TOP2B: variants seen among roughly 807,000 people sequenced by gnomAD.
TOP2B encodes DNA topoisomerase 2-beta.
A neutral mutation model predicts 193.5 loss-of-function variants in TOP2B; 51 were observed. The ratio of observed to expected loss-of-function variants is 0.26; its 90% CI spans 0.21 to 0.33. The LOEUF (loss-of-function observed/expected upper bound fraction) is 0.33. Ranked by LOEUF, TOP2B falls within the 10% of genes least tolerant of loss-of-function variation. TOP2B has a pLI of 1.00. For missense variants in TOP2B, 1,378 were observed against 1,909.3 expected (o/e 0.72, Z 5.19); for synonymous variants, 634 against 635.7 (o/e 1.00, Z 0.04).
At chr3:25,615,410 T>TTA in intron 26 of TOP2B, 21 bp downstream of exon 26, 1 of 1,538,646 alleles carries the variant, frequency 6.5e-7, no homozygotes, top group Middle Eastern at 2.1e-4. Flanking sequence ...TTCAAACTAT[T>TTA]TAACCCACAA....
At position 25,627,104 on chromosome 3, in the gene TOP2B, T is replaced by A. The variant is rs545962942; in HGVS notation, c.2016+83A>T. On this transcript the variant is annotated intron_variant, in intron 16 of 35. Transcript: ENST00000264331. ...AGCTTGAGCATTCAAAAGAGACTTATCATAGGGAACCAGGACTGGGAGGAA... is the reference window on the plus strand; with the variant it reads ...AGCTTGAGCATTCAAAAGAGACTTAACATAGGGAACCAGGACTGGGAGGAA... The A allele has an allele frequency of 5.6e-4, 552 of 985,370 alleles. 2 individuals are homozygous for A. The Middle Eastern group carries it at 0.011, about 19-fold the overall frequency. 61.0% of individuals were successfully genotyped at this position (985,370 alleles called of 1,614,324 possible).
At chr3:25,632,884 A>T in intron 8 of TOP2B, 90 bp from the exon 9 acceptor site, 1 of 1,055,392 alleles carries the variant, frequency 9.5e-7, no homozygotes, top group Non-Finnish European at 1.4e-6. Context: ...ATTTTCTAAA[A>T]GAGTAATAGA....
At chr3:25,599,603 G>C in intron 34 of TOP2B, 74 bp from the exon 35 acceptor site, 1 of 1,397,764 alleles carries the variant, frequency 7.2e-7, no homozygotes, top group Middle Eastern at 1.8e-4. Context: ...CAACATTGTA[G>C]TTTATTTCTT....
intron 4 of TOP2B, among the ~76,000 whole-genome samples, chr3:25,640,752 CTTTTTTTTT>C (rs372465937): frequency 9.3e-6 from 1 of 106,992 alleles, no homozygotes; most frequent in Non-Finnish European, 1.9e-5. Context: ...TCTTCGTTGT[CTTTTTTTTT>C]TTTTTTTTTT....
At chr3:25,634,453 T>C (rs726999) in intron 7 of TOP2B, among the ~76,000 whole-genome samples, 49,979 of 151,730 alleles carry the variant, frequency 0.33, 8,855 homozygotes, top group African/African-American at 0.46. Flanking sequence ...TGGAGAGACA[T>C]AAGTGTCTGT....
chr3:25,629,906 T>C, intron 13 of TOP2B, 123 bp downstream of exon 13: 1 of 1,069,684 alleles, frequency 9.3e-7, no homozygotes. Flanking sequence ...TTTTTCATTT[T>C]TTCCTCCTGA....
chr3:25,629,815 T>C (rs1702908127), intron 13 of TOP2B, among the ~76,000 whole-genome samples: 1 of 152,180 alleles, frequency 6.6e-6, no homozygotes, highest in Non-Finnish European at 1.5e-5. Flanking sequence ...TACCACACTG[T>C]ATTATATTCT....
intron 15 of TOP2B, among the ~76,000 whole-genome samples, chr3:25,628,570 A>AT (rs1702870765): frequency 6.6e-6 from 1 of 152,216 alleles, no homozygotes; most frequent in Non-Finnish European, 1.5e-5. Flanking sequence ...TATAGGTGAA[A>AT]TACTAGACTA....
intron 2 of TOP2B, among the ~76,000 whole-genome samples, chr3:25,644,153 C>T (rs1703346649): frequency 6.7e-6 from 1 of 149,478 alleles, no homozygotes; most frequent in African/African-American, 2.5e-5. Context: ...ACGAACAAAG[C>T]AAGACTTTGG....
At chr3:25,632,261 T>C (rs377169757) in intron 10 of TOP2B, among the ~76,000 whole-genome samples, 185 bp downstream of exon 10, 11 of 152,002 alleles carry the variant, frequency 7.2e-5, no homozygotes, top group Admixed American at 3.9e-4. Context: ...GCAAAACAAT[T>C]GTTTTAGGAA....
chr3:25,598,180 AC>A lies in TOP2B; in HGVS notation c.*126del. 1 of 1,011,262 alleles carries A rather than the reference AC, an allele frequency of 9.9e-7. No homozygotes were observed. The highest frequency in any genetic ancestry group is 1.8e-5 in the South Asian group (1 of 56,086). The allele number at this position is 1,011,262 out of a possible 1,614,324, so 62.6% of individuals were successfully genotyped here. On this transcript the variant is annotated 3_prime_UTR_variant, in exon 36 of 36. Transcript: ENST00000264331. Reference sequence around the variant, plus strand: ...AGAACAAAATGTTAAAAGGCCTACCACAATAATAAAAAACCGTCAATTACAT... The same window carrying A: ...AGAACAAAATGTTAAAAGGCCTACCAAATAATAAAAAACCGTCAATTACAT...
In TOP2B at chr3:25,625,965, G is replaced by A. The variant is rs147704505; in HGVS notation, c.2224+595C>T. Among the ~76,000 whole-genome samples the A allele has an allele frequency of 4.8e-3, 728 of 152,168 alleles. 11 individuals carry two copies. Among genetic ancestry groups the A allele is most frequent in the Non-Finnish European group, 1.6e-3 (110 of 68,018 alleles). On this transcript the variant is annotated intron_variant, in intron 18 of 35. Transcript: ENST00000264331. ...TAGGAAGGCTTCATAGAAGAAAGGC[G>A]ATTTGTGGCTAGAACTTGAGGGATA...
intron 28 of TOP2B, among the ~76,000 whole-genome samples, chr3:25,611,779 G>A (rs1174213717): frequency 6.6e-6 from 1 of 151,920 alleles, no homozygotes; most frequent in African/African-American, 2.4e-5. Context: ...AGTAAAAGAT[G>A]ACAGAGTACT....
intron 35 of TOP2B, 50 bp from the exon 36 acceptor site, chr3:25,598,527 A>G: frequency 7.0e-7 from 1 of 1,418,500 alleles, no homozygotes; most frequent in Middle Eastern, 1.8e-4. Flanking sequence ...AGTAAAGACT[A>G]GTATTAAGAA....
chr3:25,612,107 A>C (rs1009365760), intron 28 of TOP2B, among the ~76,000 whole-genome samples: 19 of 151,662 alleles, frequency 1.3e-4, no homozygotes, highest in Admixed American at 2.6e-4. Flanking sequence ...ACGCCCAGCT[A>C]ATTTTTTGTA....
At position 25,606,643 on chromosome 3, in the gene TOP2B, A is replaced by T. The variant is rs563912646; in HGVS notation, c.4299-521T>A. Among the ~76,000 whole-genome samples the T allele has an allele frequency of 2.6e-5, 4 of 152,246 alleles. 1 individual carries two copies. In the East Asian group the frequency reaches 5.8e-4, roughly 22 times the overall value. ...TTGTAATAGGTGAGAAAATACTTTT[A>T]AAAAAACATCTAAAATAGTTCACAA... On this transcript the variant is annotated intron_variant, in intron 31 of 35. Coordinates refer to ENST00000264331, the MANE Select transcript of TOP2B (RefSeq NM_001330700.2).
chr3:25,640,026 C>A (rs939776357), intron 4 of TOP2B, among the ~76,000 whole-genome samples: 2 of 151,600 alleles, frequency 1.3e-5, no homozygotes, highest in African/African-American at 4.8e-5. Context: ...GCAGAGAAAA[C>A]TGGATCAACT....
Position 25,655,861 on chromosome 3 carries a change from G to A in TOP2B, c.69+8368C>T, listed in dbSNP as rs570917771. ...CATAGAAACAGAAAGTAGAAAGGTG[G>A]TTAACCAAGGGCTGGGGGGAGAGGG... On this transcript the variant is annotated intron_variant, in intron 1 of 35. Coordinates refer to ENST00000264331, the MANE Select transcript of TOP2B (RefSeq NM_001330700.2). Among the ~76,000 whole-genome samples the A allele has an allele frequency of 2.0e-5, 3 of 152,276 alleles. No homozygotes were observed. In the South Asian group the frequency reaches 6.2e-4, roughly 32 times the overall value.
chr3:25,640,884 G>C (rs1703241272), intron 4 of TOP2B, among the ~76,000 whole-genome samples: 1 of 151,252 alleles, frequency 6.6e-6, no homozygotes, highest in South Asian at 2.1e-4. Context: ...AGCCTCCTGA[G>C]TAGCTGGGAC....
Sources: gnomAD v4.1 joint callset for allele counts (sites outside exome capture counted in the v4.1 genomes callset) on GRCh38, gnomAD v4.1.1 for gene constraint, MANE v1.5 for transcripts, NCBI Gene and HGNC (gene_info 2026-07-23, HGNC 2026-07-21) for gene names.